ZBTB46: variants seen among roughly 807,000 people sequenced by gnomAD.
ZBTB46 encodes zinc finger and BTB domain-containing protein 46.
A neutral mutation model predicts 44.1 loss-of-function variants in ZBTB46; 8 were observed. The observed-to-expected ratio is 0.18, with a 90% CI of 0.11 to 0.33. ZBTB46 has a LOEUF of 0.33. ZBTB46 is among the 10% of genes least tolerant of loss of function. The pLI, the probability that ZBTB46 is intolerant of heterozygous loss-of-function variation, is 1.00. For synonymous variants in ZBTB46, 409 were observed against 382.3 expected (o/e 1.07, Z -0.81); for missense variants, 651 against 847.7 (o/e 0.77, Z 2.88).
intron 3 of ZBTB46, among the ~76,000 whole-genome samples, chr20:63,757,921 G>C (rs1239005303): frequency 7.8e-5 from 1 of 12,876 alleles, no homozygotes; most frequent in African/African-American, 3.0e-4. Flanking sequence ...CCCTCCACCC[G>C]CCCCGTCCAG....
chr20:63,783,787 C>T (rs1005328830), intron 2 of ZBTB46, among the ~76,000 whole-genome samples: 8 of 152,192 alleles, frequency 5.3e-5, no homozygotes, highest in Admixed American at 3.3e-4. Flanking sequence ...CACATGATGT[C>T]ATCTTTTGGT....
chr20:63,754,505 AGGCTGGTCT>A (rs1033572189), intron 3 of ZBTB46, among the ~76,000 whole-genome samples: 1 of 152,112 alleles, frequency 6.6e-6, no homozygotes, highest in Non-Finnish European at 1.5e-5. Context: ...CATGTTGCCC[AGGCTGGTCT>A]TGAACTCCTG....
chr20:63,753,281 G>A (rs1002219503), intron 3 of ZBTB46, among the ~76,000 whole-genome samples: 4 of 152,202 alleles, frequency 2.6e-5, no homozygotes, highest in Admixed American at 2.6e-4. Flanking sequence ...CCTGGAGGCA[G>A]AGAAGAAACA....
intron 3 of ZBTB46, among the ~76,000 whole-genome samples, chr20:63,762,751 TATC>T (rs1189074262): frequency 4.6e-5 from 7 of 152,326 alleles, no homozygotes; most frequent in African/African-American, 1.4e-4. Flanking sequence ...ATTGACTAAT[TATC>T]ATTATGCCAG....
At chr20:63,773,720 G>A (rs1211139097) in intron 3 of ZBTB46, among the ~76,000 whole-genome samples, 4 of 151,996 alleles carry the variant, frequency 2.6e-5, no homozygotes, top group African/African-American at 7.2e-5. Context: ...AGGGAGGCCC[G>A]GGATCCCCCT....
intron 1 of ZBTB46, among the ~76,000 whole-genome samples, chr20:63,809,469 G>A (rs2092705465): frequency 6.6e-6 from 1 of 152,200 alleles, no homozygotes; most frequent in Non-Finnish European, 1.5e-5. Context: ...GCGCCCTCAC[G>A]CGGTCCTCAG....
chr20:63,773,538 C>T (rs1277933916), intron 3 of ZBTB46, among the ~76,000 whole-genome samples: 1 of 152,162 alleles, frequency 6.6e-6, no homozygotes. Flanking sequence ...GTGTATACGA[C>T]GGTCTGAGAG....
intron 3 of ZBTB46, among the ~76,000 whole-genome samples, chr20:63,762,949 A>G (rs531434046): frequency 6.6e-5 from 10 of 152,198 alleles, no homozygotes; most frequent in African/African-American, 2.4e-4. Context: ...GTAACCTCAA[A>G]CTTTTGGGCT....
At chr20:63,832,227 C>A (rs2092855754), upstream of ZBTB46, among the ~76,000 whole-genome samples, 1 of 152,198 alleles carries the variant, frequency 6.6e-6, no homozygotes, top group Admixed American at 6.5e-5. This position sits in a 1 kb window ranked among gnomAD's most constrained non-coding sequence, Gnocchi z 5.0. Context: ...CTCGCCTCCG[C>A]CGTCCTCAGC....
intron 1 of ZBTB46, among the ~76,000 whole-genome samples, chr20:63,802,520 G>A (rs1475297631): frequency 3.3e-5 from 5 of 152,178 alleles, no homozygotes; most frequent in Middle Eastern, 3.4e-3. Context: ...AAGCGGCAGC[G>A]GCGGAGGCCC....
chr20:63,823,623 C>T (rs1188028668), intron 1 of ZBTB46, among the ~76,000 whole-genome samples: 1 of 151,870 alleles, frequency 6.6e-6, no homozygotes, highest in Non-Finnish European at 1.5e-5. Flanking sequence ...ATCACCTTAG[C>T]CCAGGTCGAG....
In ZBTB46 at chr20:63,746,738, A is replaced by G; in HGVS notation, c.*192T>C. 1.2e-6 allele frequency: 1 copy of G among 860,486 alleles called. No homozygotes were observed. Among genetic ancestry groups the G allele is most frequent in the Non-Finnish European group, 1.7e-6 (1 of 602,542 alleles). 53.3% of individuals were successfully genotyped at this position (860,486 alleles called of 1,614,324 possible). A position where few individuals can be genotyped will look rare whatever the true frequency, so the allele number is the denominator to read the frequency against. On this transcript the variant is annotated 3_prime_UTR_variant, in exon 5 of 5. Coordinates refer to ENST00000245663, the MANE Select transcript of ZBTB46 (RefSeq NM_001369741.1). ...CCCAACTCACTTCATGTCTGGTCCC[A>G]GAGCACCCCTCTTGCTGGGGTCGCA...
At position 63,803,251 on chromosome 20, in the gene ZBTB46, GT is replaced by G; in HGVS notation, c.-33-12462del. 1 of 962,024 alleles carries G rather than the reference GT, an allele frequency of 1.0e-6. No homozygotes were observed. Among genetic ancestry groups the G allele is most frequent in the Non-Finnish European group, 1.2e-6 (1 of 808,720 alleles). The allele number at this position is 962,024 out of a possible 1,614,324, so 59.6% of individuals were successfully genotyped here. ...CTCCCCTCACACCAAGGCGTTCATG[GT>G]TTACCTTCTTCTGAAAAAATTAAGG... On this transcript the variant is annotated intron_variant, in intron 1 of 4. Coordinates refer to ENST00000245663, the MANE Select transcript of ZBTB46 (RefSeq NM_001369741.1). This position sits in a 1 kb window ranked among gnomAD's most constrained non-coding sequence, Gnocchi z 4.0.
chr20:63,753,241 C>T (rs1369954066), intron 3 of ZBTB46, among the ~76,000 whole-genome samples: 1 of 152,178 alleles, frequency 6.6e-6, no homozygotes, highest in Non-Finnish European at 1.5e-5. Context: ...GGGTAGCAGG[C>T]CCTGGGCGTG....
At chr20:63,791,030 C>T (rs1339466359) in intron 1 of ZBTB46, 16 of 464,060 alleles carry the variant, frequency 3.4e-5, no homozygotes, top group East Asian at 1.1e-4. Flanking sequence ...TTTCCGTGCT[C>T]GAGGCTAATG....
intron 3 of ZBTB46, 145 bp downstream of exon 3, chr20:63,775,533 T>TC: frequency 8.9e-7 from 1 of 1,120,286 alleles, no homozygotes. Flanking sequence ...TGACGCCGCA[T>TC]CCTCACCTCC....
At chr20:63,794,167 G>C (rs2092583221) in intron 1 of ZBTB46, among the ~76,000 whole-genome samples, 1 of 149,702 alleles carries the variant, frequency 6.7e-6, no homozygotes, top group Non-Finnish European at 1.5e-5. Context: ...TCCAGCCTGG[G>C]TGACAGAGCA....
intron 3 of ZBTB46, among the ~76,000 whole-genome samples, chr20:63,774,748 G>T (rs2092408363): frequency 6.9e-6 from 1 of 145,224 alleles, no homozygotes; most frequent in South Asian, 2.3e-4. Context: ...CTGTCGCCCC[G>T]GCTGGAGTGC....
At position 63,790,626 on chromosome 20, in the gene ZBTB46, C is replaced by A; in HGVS notation, c.132G>T (p.Ala44=). ...CVVVEGKVFK[A]HKNVLLGSSR... ...TGCTGCCCAGCAGGACGTTCTTGTGCGCCTTGAAGACCTTGCCCTCCACGA... is the reference window on the plus strand; with the variant it reads ...TGCTGCCCAGCAGGACGTTCTTGTGAGCCTTGAAGACCTTGCCCTCCACGA... Residue 44 remains alanine (A), a synonymous_variant, in exon 2 of 5, where the codon GCG becomes GCT. Coordinates refer to ENST00000245663, the MANE Select transcript of ZBTB46 (RefSeq NM_001369741.1). 1.2e-6 allele frequency: 2 copies of A among 1,611,568 alleles called. No homozygotes were observed. The highest frequency in any genetic ancestry group is 1.7e-6 in the Non-Finnish European group (2 of 1,180,028).
Sources: allele counts gnomAD v4.1 joint callset (sites outside exome capture counted in the v4.1 genomes callset), GRCh38; gene constraint gnomAD v4.1.1; non-coding constraint Gnocchi (gnomAD v3.1); transcripts MANE v1.5; gene names NCBI Gene and HGNC (gene_info 2026-07-23, HGNC 2026-07-21).